Variants in EDARADD observed in about 807,000 individuals in gnomAD.
EDARADD encodes EDAR associated via death domain.
Under a neutral mutation model 25.6 loss-of-function variants are expected in EDARADD, and 20 were observed. The observed-to-expected ratio is 0.78, with a 90% confidence interval of 0.55 to 1.14. EDARADD has a LOEUF of 1.14. Among genes scored for constraint, EDARADD ranks in the 50% most tolerant of loss-of-function variants. EDARADD has a pLI of 0.00. For missense variants in EDARADD, 225 were observed against 270.1 expected (o/e 0.83, Z 1.17); for synonymous variants, 86 against 94.4 (o/e 0.91, Z 0.52).
At position 236,352,782 on chromosome 1, in the gene EDARADD, A is replaced by G. The variant is rs1666931988; in HGVS notation, c.-6+1943A>G. On this transcript the variant is annotated intron_variant, in intron 3 of 7. Coordinates refer to the EDARADD transcript ENST00000439430. The stretch of plus-strand genomic sequence containing the variant: ...AGAATCGCTTGAACCTGGAAGGTGG[A>G]GGTTGCAGTGAGCCAAGATTGTGCC... 2.0e-5 allele frequency among the ~76,000 whole-genome samples: 3 copies of G among 152,264 alleles called. No individual in the cohort carries two copies. The South Asian group carries it at 6.2e-4, about 32-fold the overall frequency.
At position 236,482,840 on chromosome 1, in the gene EDARADD, ATC is replaced by A; in HGVS notation, c.*193_*194del. On this transcript the variant is annotated 3_prime_UTR_variant, in exon 6 of 6. Transcript: ENST00000334232. The stretch of plus-strand genomic sequence containing the variant: ...GGTGGATCTCTGTTTATTTTTGCAC[ATC>A]TGTTATAATTTAATATTCAAATCTG... The A allele has an allele frequency of 4.2e-6, 3 of 713,092 alleles. No homozygotes were observed. Among genetic ancestry groups the A allele is most frequent in the Non-Finnish European group, 6.9e-6 (3 of 435,880 alleles). The allele number at this position is 713,092 out of a possible 1,614,324, so 44.2% of individuals were successfully genotyped here.
chr1:236,374,159 A>G (rs903223497), intron 3 of EDARADD, among the ~76,000 whole-genome samples: 22 of 151,738 alleles, frequency 1.4e-4, no homozygotes, highest in Non-Finnish European at 2.1e-4. Flanking sequence ...GAAGTAGTCA[A>G]TAGATATCAA....
chr1:236,368,440 C>CTTTTTTTTTTTT (rs59201705), intron 3 of EDARADD, among the ~76,000 whole-genome samples: 1 of 124,172 alleles, frequency 8.1e-6, no homozygotes, highest in East Asian at 2.3e-4. Context: ...CCAGTCTTTT[C>CTTTTTTTTTTTT]TTTTTTTTTT....
At position 236,377,827 on chromosome 1, in the gene EDARADD, C is replaced by T. The variant is rs1001321154; in HGVS notation, c.-6+26988C>T. Among the ~76,000 whole-genome samples the T allele has an allele frequency of 2.2e-4, 33 of 151,738 alleles. 1 individual carries two copies. Among genetic ancestry groups the T allele is most frequent in the African/African-American group, 7.7e-4 (32 of 41,312 alleles). On this transcript the variant is annotated intron_variant, in intron 3 of 7. Transcript: ENST00000439430. ...GAGCCAAGATCGTGCCACTGCACTC[C>T]AGCCTCACGACAGAGTGAGACTCCA...
chr1:236,405,580 A>G (rs748679428), intron 1 of EDARADD, among the ~76,000 whole-genome samples: 4 of 152,180 alleles, frequency 2.6e-5, no homozygotes, highest in Non-Finnish European at 5.9e-5. Context: ...GACTTGTTTA[A>G]GGCCAGACTG....
intron 3 of EDARADD, among the ~76,000 whole-genome samples, chr1:236,377,265 C>G (rs1361832319): frequency 6.6e-6 from 1 of 151,320 alleles, no homozygotes; most frequent in Non-Finnish European, 1.5e-5. Context: ...ACGCCATTCT[C>G]CTGCCTCAGC....
At chr1:236,451,862 C>G (rs1454499025) in intron 4 of EDARADD, among the ~76,000 whole-genome samples, 1 of 152,170 alleles carries the variant, frequency 6.6e-6, no homozygotes, top group African/African-American at 2.4e-5. Flanking sequence ...ATGGGCAGTG[C>G]ACTTCCAGCT....
At chr1:236,394,011 A>AAC (rs1553264614), upstream of EDARADD, among the ~76,000 whole-genome samples, 131 of 150,576 alleles carry the variant, frequency 8.7e-4, no homozygotes, top group East Asian at 3.1e-3. Context: ...AAAAAAAAAA[A>AAC]CCCTTAAAAT....
intron 3 of EDARADD, among the ~76,000 whole-genome samples, chr1:236,382,088 A>C (rs12028148): frequency 1.3e-5 from 2 of 151,742 alleles, no homozygotes; most frequent in Non-Finnish European, 2.9e-5. Flanking sequence ...AATTTAAAAA[A>C]TTTTTGGCCA....
rs1170622280 is a variant in EDARADD, at chr1:236,431,927, CAAAAAAAAAAAAAA to C, written c.219+4489_219+4502del. Among the ~76,000 whole-genome samples, 13 of 17,992 alleles carry C rather than the reference CAAAAAAAAAAAAAA, an allele frequency of 7.2e-4. 1 individual carries two copies. In the Admixed American group the frequency reaches 7.8e-3, roughly 11 times the overall value. 11.8% of individuals were successfully genotyped at this position (17,992 alleles called of 152,430 possible). ...TGGGCGACAGAGCGAGACTCCGTCT[CAAAAAAAAAAAAAA>C]AAAAAAAAAAAGACCCCAGGCAGAC... On this transcript the variant is annotated intron_variant, in intron 4 of 5. Coordinates refer to ENST00000334232, the MANE Select transcript of EDARADD (RefSeq NM_145861.4).
At chr1:236,447,900 A>G (rs1658610453) in intron 4 of EDARADD, among the ~76,000 whole-genome samples, 1 of 151,740 alleles carries the variant, frequency 6.6e-6, no homozygotes, top group Non-Finnish European at 1.5e-5. Context: ...CAAAGGCGCA[A>G]TCTCGGCTCC....
At chr1:236,403,498 A>G (rs1667652253) in intron 1 of EDARADD, among the ~76,000 whole-genome samples, 1 of 151,396 alleles carries the variant, frequency 6.6e-6, no homozygotes, top group Admixed American at 6.6e-5. Flanking sequence ...CACGTTAGCC[A>G]GGATGGTCTC....
chr1:236,441,592 C>A (rs1658404292), intron 4 of EDARADD, among the ~76,000 whole-genome samples: 1 of 150,628 alleles, frequency 6.6e-6, no homozygotes, highest in Non-Finnish European at 1.5e-5. Flanking sequence ...GGTGCGATCT[C>A]CGCTCACTGC....
At chr1:236,439,891 C>T (rs1448004353) in intron 4 of EDARADD, among the ~76,000 whole-genome samples, 1 of 152,052 alleles carries the variant, frequency 6.6e-6, no homozygotes, top group Non-Finnish European at 1.5e-5. Context: ...TGGATTGTGC[C>T]TTTGGTACTA....
intron 4 of EDARADD, among the ~76,000 whole-genome samples, chr1:236,436,343 G>C (rs1298830711): frequency 6.6e-6 from 1 of 151,796 alleles, no homozygotes; most frequent in Non-Finnish European, 1.5e-5. Flanking sequence ...TTTTAGTAGA[G>C]ACCACCATAG....
chr1:236,389,269 C>T (rs1163200222), intron 3 of EDARADD, among the ~76,000 whole-genome samples: 1 of 152,162 alleles, frequency 6.6e-6, no homozygotes, highest in Non-Finnish European at 1.5e-5. Flanking sequence ...TCTGCACAGC[C>T]ACACTTTTTC....
At chr1:236,446,469 T>C (rs1658540607) in intron 4 of EDARADD, among the ~76,000 whole-genome samples, 1 of 151,906 alleles carries the variant, frequency 6.6e-6, no homozygotes, top group Non-Finnish European at 1.5e-5. Flanking sequence ...GAAGAATCAC[T>C]TGAACGCAGG....
At position 236,482,433 on chromosome 1, in the gene EDARADD, C is replaced by T; in HGVS notation, c.432C>T (p.Ser144=). 1 of 1,614,198 alleles carries T rather than the reference C, an allele frequency of 6.2e-7. No individual in the cohort carries two copies. Among genetic ancestry groups the T allele is most frequent in the African/African-American group, 1.3e-5 (1 of 75,040 alleles). ...TGAAAAACTGGAGGAATTTTGCAAGCAAATGGGGGATGTCCTATGACGAAT... is the reference window on the plus strand; with the variant it reads ...TGAAAAACTGGAGGAATTTTGCAAGTAAATGGGGGATGTCCTATGACGAAT... ...PTVKNWRNFA[S]KWGMSYDELC... Residue 144 remains serine (S), a synonymous_variant, in exon 6 of 6, where the codon AGC becomes AGT. Coordinates refer to ENST00000334232, the MANE Select transcript of EDARADD (RefSeq NM_145861.4).
intron 4 of EDARADD, among the ~76,000 whole-genome samples, chr1:236,447,230 TTTCCTTTCTTTCCTTTCTTTCCTTTC>T (rs1658583305): frequency 4.0e-5 from 5 of 126,572 alleles, no homozygotes; most frequent in African/African-American, 1.9e-4. Flanking sequence ...CTTTCCTTTC[TTTCCTTTCTTTCCTTTCTTTCCTTTC>T]TTTCTTTCTT....
Sources: allele counts gnomAD v4.1 joint callset (sites outside exome capture counted in the v4.1 genomes callset), GRCh38; gene constraint gnomAD v4.1.1; transcripts MANE v1.5; gene names NCBI Gene and HGNC (gene_info 2026-07-23, HGNC 2026-07-21).